The following FOCAD variants were observed in gnomAD, a reference collection of about 807,000 sequenced individuals.
FOCAD encodes the protein focadhesin, also known as KIAA1797.
In FOCAD, 198 loss-of-function variants were observed where a neutral mutation model predicts 225.6. The observed-to-expected ratio is 0.88, with a 90% CI of 0.78 to 0.99. The LOEUF (loss-of-function observed/expected upper bound fraction) is 0.99, where lower values mean the gene tolerates loss of function less well. FOCAD is among the 50% of genes least tolerant of loss of function. The pLI is 0.00. For missense variants in FOCAD, 2,713 were observed against 2,123.6 expected (o/e 1.28, Z -5.46); for synonymous variants, 897 against 755.0 (o/e 1.19, Z -3.08).
At chr9:20,902,044 C>G (rs569334148) in intron 21 of FOCAD, among the ~76,000 whole-genome samples, 1 of 151,966 alleles carries the variant, frequency 6.6e-6, no homozygotes, top group African/African-American at 2.4e-5. Flanking sequence ...GATTTTCACA[C>G]GATAGGAATT....
At chr9:20,744,121 A>C (rs1347964421) in intron 5 of FOCAD, among the ~76,000 whole-genome samples, 1 of 152,200 alleles carries the variant, frequency 6.6e-6, no homozygotes, top group South Asian at 2.1e-4. Flanking sequence ...CCATGGCCCC[A>C]ACACATGTTA....
chr9:20,831,438 T>G (rs1189210080), intron 15 of FOCAD, among the ~76,000 whole-genome samples: 1 of 152,130 alleles, frequency 6.6e-6, no homozygotes, highest in Non-Finnish European at 1.5e-5. Flanking sequence ...TGAGCCAGGC[T>G]GTGCAAGGCT....
chr9:20,845,899 T>G (rs1167628556), intron 15 of FOCAD, among the ~76,000 whole-genome samples: 1 of 152,140 alleles, frequency 6.6e-6, no homozygotes, highest in Admixed American at 6.6e-5. Context: ...TATTGATGAT[T>G]TGGTTGCAGT....
At chr9:20,852,443 T>C (rs1827751654) in intron 15 of FOCAD, among the ~76,000 whole-genome samples, 1 of 151,358 alleles carries the variant, frequency 6.6e-6, no homozygotes, top group Admixed American at 6.6e-5. Flanking sequence ...TCATCAGTTC[T>C]GTTATCCCCA....
chr9:20,968,431 C>CTTTTTTTGTTTTTTTTTTTTTTT (rs1839459926), intron 35 of FOCAD, among the ~76,000 whole-genome samples: 1 of 43,620 alleles, frequency 2.3e-5, no homozygotes, highest in African/African-American at 8.5e-5. Flanking sequence ...TTTTCTTATT[C>CTTTTTTTGTTTTTTTTTTTTTTT]TTTTTTTTTT....
At chr9:20,828,979 A>G (rs985985946) in intron 15 of FOCAD, among the ~76,000 whole-genome samples, 2 of 152,102 alleles carry the variant, frequency 1.3e-5, no homozygotes, top group South Asian at 2.1e-4. Context: ...ATTCCTTTTT[A>G]TGGCTGCATA....
At chr9:20,877,264 A>G (rs769896794) in intron 19 of FOCAD, among the ~76,000 whole-genome samples, 1 of 152,200 alleles carries the variant, frequency 6.6e-6, no homozygotes, top group Non-Finnish European at 1.5e-5. Flanking sequence ...CGAATAGCAT[A>G]ATTGTAATTG....
At chr9:20,690,203 C>T (rs1350898832) in intron 1 of FOCAD, among the ~76,000 whole-genome samples, 1 of 152,170 alleles carries the variant, frequency 6.6e-6, no homozygotes, top group African/African-American at 2.4e-5. Context: ...TTTCTAAGGA[C>T]AGCGCCTCAC....
In FOCAD at chr9:20,752,962, T is replaced by G. The variant is rs1221106675; in HGVS notation, c.393-5128T>G. Among the ~76,000 whole-genome samples the G allele has an allele frequency of 2.0e-5, 3 of 150,022 alleles. No homozygotes were observed. The East Asian group carries it at 5.9e-4, about 30-fold the overall frequency. ...CACTCATGATTTGGCTCTCTGTTTG[T>G]CTGTTGTTGGTGTATAAGAATGCTT... On this transcript the variant is annotated intron_variant, in intron 5 of 43. Coordinates refer to ENST00000338382, the MANE Select transcript of FOCAD (RefSeq NM_001375567.1).
chr9:20,720,302 T>C lies in FOCAD; in HGVS notation c.133-78T>C, dbSNP rs1254106141. The stretch of plus-strand genomic sequence containing the variant: ...TAGCCTACTGTGAACAAATTACTCA[T>C]TGATGAATGACCAAAGGTGTGTGTG... On this transcript the variant is annotated intron_variant, in intron 3 of 43. Transcript: ENST00000338382. The C allele has an allele frequency of 1.1e-5, 16 of 1,410,370 alleles. No homozygotes were observed. In the East Asian group the frequency reaches 2.8e-4, roughly 24 times the overall value. 87.4% of individuals were successfully genotyped at this position (1,410,370 alleles called of 1,614,324 possible).
At chr9:20,748,738 T>A (rs1828284763) in intron 5 of FOCAD, among the ~76,000 whole-genome samples, 1 of 152,106 alleles carries the variant, frequency 6.6e-6, no homozygotes, top group Non-Finnish European at 1.5e-5. Flanking sequence ...TGTTTTTATT[T>A]CCTCTTTTCC....
intron 11 of FOCAD, among the ~76,000 whole-genome samples, chr9:20,798,664 G>C (rs1371406875): frequency 6.6e-6 from 1 of 152,106 alleles, no homozygotes; most frequent in Non-Finnish European, 1.5e-5. Context: ...TCTGATGGTA[G>C]TTTGTATCTC....
intron 11 of FOCAD, among the ~76,000 whole-genome samples, chr9:20,819,018 T>G (rs1824033374): frequency 6.6e-6 from 1 of 152,136 alleles, no homozygotes; most frequent in African/African-American, 2.4e-5. Context: ...TTTTCACATT[T>G]TATTGTGTCA....
At chr9:20,891,612 C>G (rs760263532) in intron 21 of FOCAD, among the ~76,000 whole-genome samples, 2 of 152,168 alleles carry the variant, frequency 1.3e-5, no homozygotes, top group South Asian at 2.1e-4. Flanking sequence ...CTCTAACACT[C>G]TTTAATTCTG....
chr9:20,791,026 C>T (rs1647994356), intron 11 of FOCAD, among the ~76,000 whole-genome samples: 1 of 152,022 alleles, frequency 6.6e-6, no homozygotes, highest in African/African-American at 2.4e-5. Context: ...CTTTTATTTC[C>T]TGTAGTGATC....
At chr9:20,921,557 G>A (rs1053802434) in intron 24 of FOCAD, among the ~76,000 whole-genome samples, 3 of 152,162 alleles carry the variant, frequency 2.0e-5, no homozygotes, top group African/African-American at 7.2e-5. Context: ...CAGGCATGAA[G>A]GGAATGCGAA....
chr9:20,846,406 C>A (rs1187099817), intron 15 of FOCAD, among the ~76,000 whole-genome samples: 1 of 152,116 alleles, frequency 6.6e-6, no homozygotes, highest in Non-Finnish European at 1.5e-5. Flanking sequence ...CTCCTCTTTC[C>A]CTCTCACTGG....
intron 2 of FOCAD, chr9:20,716,338 A>G (rs1241998101): frequency 5.5e-6 from 1 of 183,458 alleles, no homozygotes; most frequent in Non-Finnish European, 1.2e-5. Context: ...TAGGTGAAAA[A>G]AATATATATA....
intron 19 of FOCAD, among the ~76,000 whole-genome samples, chr9:20,877,947 C>T (rs191049138): frequency 6.6e-6 from 1 of 152,230 alleles, no homozygotes; most frequent in Admixed American, 6.5e-5. Context: ...CGGGTTACCA[C>T]TCTTTATGCA....
Sources: gnomAD v4.1 joint callset for allele counts (sites outside exome capture counted in the v4.1 genomes callset) on GRCh38, gnomAD v4.1.1 for gene constraint, MANE v1.5 for transcripts, NCBI Gene and HGNC (gene_info 2026-07-23, HGNC 2026-07-21) for gene names.